The following BIRC6 variants were observed in gnomAD, a reference collection of about 807,000 sequenced individuals.
The protein encoded by BIRC6 is dual E2 ubiquitin-conjugating enzyme/E3 ubiquitin-protein ligase BIRC6.
Under a neutral mutation model 503.3 loss-of-function variants are expected in BIRC6, and 98 were observed. The observed-to-expected ratio is 0.19, with a 90% CI of 0.17 to 0.23. The LOEUF is 0.23. Ranked by LOEUF, BIRC6 falls within the 10% of genes least tolerant of loss-of-function variation. The pLI is 1.00. For missense variants in BIRC6, 5,360 were observed against 5,806.0 expected (o/e 0.92, Z 2.50); for synonymous variants, 2,240 against 2,078.7 (o/e 1.08, Z -2.11).
intron 13 of BIRC6, among the ~76,000 whole-genome samples, chr2:32,434,830 A>G (rs2148096018): frequency 6.6e-6 from 1 of 152,338 alleles, no homozygotes; most frequent in East Asian, 1.9e-4. Context: ...ACTGCACTCC[A>G]GCCTAGGTGA....
intron 1 of BIRC6, among the ~76,000 whole-genome samples, chr2:32,362,791 ATT>A (rs558118361): frequency 6.8e-6 from 1 of 147,910 alleles, no homozygotes; most frequent in African/African-American, 2.5e-5. Context: ...TGTCTTAAAA[ATT>A]TTTTTTTTTT....
In BIRC6 at chr2:32,481,322, G is replaced by A; in HGVS notation, c.7411G>A (p.Ala2471Thr). Residue 2471 changes from alanine to threonine, a missense_variant and splice_region_variant, in exon 38 of 74, where the codon GCA becomes ACA. By Grantham distance (58) the Ala-to-Thr change is moderately conservative. This residue lies in a region of BIRC6 where 2,299 missense variants were observed against 2,267.2 expected (regional missense o/e 1.01). Transcript: ENST00000421745. ...AGATCACTTTTAATTATTTGAAGGT[G>A]CACCTCCTCTGTCCTCTTTGGAAAA... ...DEPLTHDITG[A>T]PPLSSLEKDK... The A allele has an allele frequency of 1.3e-6, 2 of 1,589,648 alleles. No homozygotes were observed. The highest frequency in any genetic ancestry group is 1.8e-5 in the Admixed American group (1 of 57,002).
intron 72 of BIRC6, among the ~76,000 whole-genome samples, chr2:32,609,483 G>C (rs551337054): frequency 6.6e-6 from 1 of 151,996 alleles, no homozygotes; most frequent in South Asian, 2.1e-4. Context: ...AATTGTGCTG[G>C]AAAGTTAACA....
chr2:32,597,788 A>G lies in BIRC6; in HGVS notation c.13650A>G (p.Lys4550=). The change falls in exon 69 of 74, where the codon AAA becomes AAG. Residue 4550 remains lysine (K), a synonymous_variant. Transcript: ENST00000421745. The part of the protein sequence containing the change: ...FEMVSEDEDG[K]LGFKVNYHYM... ...TGGTTTCTGAAGATGAAGATGGGAA[A>G]TTGGGATTTAAAGTAAATTACCACT... 6.2e-7 allele frequency: 1 copy of G among 1,613,640 alleles called. No homozygotes were observed. Among genetic ancestry groups the G allele is most frequent in the Non-Finnish European group, 8.5e-7 (1 of 1,179,594 alleles).
At chr2:32,394,894 T>C (rs892318319) in intron 5 of BIRC6, among the ~76,000 whole-genome samples, 5 of 152,106 alleles carry the variant, frequency 3.3e-5, no homozygotes, top group Non-Finnish European at 5.9e-5. Context: ...CTCACGCCTG[T>C]AATTCCAGCA....
rs1156342632 is a variant in BIRC6 at position 32,448,681 on chromosome 2, G to A, written c.4485-114G>A. ...GAGGGGAGAGGGGAGAGGGGAGAGG[G>A]GAGAGGGAGAGCCCTCTGCGCTGTT... On this transcript the variant is annotated intron_variant, in intron 21 of 73. Transcript: ENST00000421745. 9 of 814,876 alleles carry A rather than the reference G, an allele frequency of 1.1e-5. No individual in the cohort carries two copies. The East Asian group carries it at 1.6e-4, about 14-fold the overall frequency. The allele number at this position is 814,876 out of a possible 1,614,324, so 50.5% of individuals were successfully genotyped here.
intron 65 of BIRC6, among the ~76,000 whole-genome samples, chr2:32,572,629 T>G (rs2059992467): frequency 6.6e-6 from 1 of 152,218 alleles, no homozygotes; most frequent in Non-Finnish European, 1.5e-5. Flanking sequence ...AATTTTGATT[T>G]TCCTGAATAA....
chr2:32,533,748 C>T (rs905785225), intron 61 of BIRC6, among the ~76,000 whole-genome samples: 2 of 152,144 alleles, frequency 1.3e-5, no homozygotes, highest in Non-Finnish European at 2.9e-5. Flanking sequence ...ACGTAAGTAG[C>T]CTCTGGAAGC....
At chr2:32,539,372 G>A (rs535488975) in intron 61 of BIRC6, among the ~76,000 whole-genome samples, 23 of 152,308 alleles carry the variant, frequency 1.5e-4, no homozygotes, top group African/African-American at 5.3e-4. Flanking sequence ...ATGGAACAAA[G>A]CATTTACCAA....
intron 57 of BIRC6, chr2:32,522,043 G>C (rs2055780735): frequency 6.6e-6 from 1 of 151,750 alleles, no homozygotes; most frequent in African/African-American, 2.4e-5. Context: ...GAAGTTGTTT[G>C]ACACCCCAAA....
rs922787506 is a variant in BIRC6, at chr2:32,470,148, T to A, written c.6348-20T>A. The A allele has an allele frequency of 6.8e-7, 1 of 1,466,732 alleles. No individual in the cohort carries two copies. Among genetic ancestry groups the A allele is most frequent in the African/African-American group, 1.4e-5 (1 of 69,224 alleles). 90.9% of individuals were successfully genotyped at this position (1,466,732 alleles called of 1,614,324 possible). Reference sequence around the variant, plus strand: ...CGAATTGATTCTTATTCTTTTCTTTTTTGTTTGTTTTGTTTTTAGGGTCTT... The same window carrying A: ...CGAATTGATTCTTATTCTTTTCTTTATTGTTTGTTTTGTTTTTAGGGTCTT... On this transcript the variant is annotated intron_variant, in intron 30 of 73. Coordinates refer to ENST00000421745, the MANE Select transcript of BIRC6 (RefSeq NM_016252.4).
chr2:32,487,835 T>A, intron 41 of BIRC6, 34 bp downstream of exon 41: 1 of 1,545,694 alleles, frequency 6.5e-7, no homozygotes, highest in Non-Finnish European at 8.9e-7. Flanking sequence ...TATTTTTACA[T>A]ATTATTGTTA....
chr2:32,513,126 C>T lies in BIRC6; in HGVS notation c.10540C>T (p.Pro3514Ser), dbSNP rs755887373. The T allele has an allele frequency of 3.1e-6, 5 of 1,613,550 alleles. No homozygotes were observed. The highest frequency in any genetic ancestry group is 1.3e-5 in the African/African-American group (1 of 74,904). ...SYELLVEYDL[P>S]ALLDQELFEL... ...TGAGCTGCTTGTAGAATATGACTTA[C>T]CAGCACTCCTGGACCAAGAGCTCTT... is the stretch of plus-strand genomic sequence containing the variant. Residue 3514 changes from proline (P) to serine (S), a missense_variant, in exon 54 of 74, where the codon CCA becomes TCA. By Grantham distance (74) the Pro-to-Ser change is moderately conservative. Transcript: ENST00000421745.
intron 2 of BIRC6, among the ~76,000 whole-genome samples, chr2:32,378,310 CA>C (rs2037123346): frequency 6.6e-6 from 1 of 152,088 alleles, no homozygotes; most frequent in South Asian, 2.1e-4. Flanking sequence ...AATACTCTCT[CA>C]TATAGCCTCA....
At chr2:32,363,883 A>G (rs2034487479) in intron 1 of BIRC6, among the ~76,000 whole-genome samples, 1 of 152,210 alleles carries the variant, frequency 6.6e-6, no homozygotes, top group African/African-American at 2.4e-5. Flanking sequence ...CAATATTGCC[A>G]CACTCCTCGT....
At chr2:32,442,583 G>A (rs1473065122) in intron 19 of BIRC6, 128 bp downstream of exon 19, 1 of 1,129,054 alleles carries the variant, frequency 8.9e-7, no homozygotes, top group Non-Finnish European at 1.2e-6. Flanking sequence ...TTCAAAAGTT[G>A]ATGAAGATTG....
intron 1 of BIRC6, among the ~76,000 whole-genome samples, chr2:32,375,848 A>G (rs1473989142): frequency 1.3e-5 from 2 of 149,836 alleles, no homozygotes; most frequent in East Asian, 2.0e-4. Flanking sequence ...TATGGGTTTC[A>G]TAGTGTTATT....
intron 1 of BIRC6, among the ~76,000 whole-genome samples, chr2:32,359,953 A>T (rs1006624978): frequency 6.6e-6 from 1 of 152,134 alleles, no homozygotes; most frequent in Non-Finnish European, 1.5e-5. Context: ...GGAATGCTGC[A>T]TTTTATGTTT....
intron 65 of BIRC6, among the ~76,000 whole-genome samples, chr2:32,571,624 AT>A (rs1176799860): frequency 6.6e-6 from 1 of 151,460 alleles, no homozygotes; most frequent in Non-Finnish European, 1.5e-5. Context: ...GATTCTGTTT[AT>A]TTGGATCTTC....
Sources: gnomAD v4.1 joint callset for allele counts (sites outside exome capture counted in the v4.1 genomes callset) on GRCh38, gnomAD v4.1.1 for gene constraint, gnomAD v4.1.1 regional missense constraint, MANE v1.5 for transcripts, NCBI Gene and HGNC (gene_info 2026-07-23, HGNC 2026-07-21) for gene names.